The following SEMA3C variants were observed in gnomAD, a reference collection of about 807,000 sequenced individuals.
SEMA3C encodes semaphorin 3C.
A neutral mutation model predicts 89.4 loss-of-function variants in SEMA3C; 47 were observed. That is an observed-to-expected ratio of 0.53 (90% confidence interval 0.42 to 0.67). The LOEUF is 0.67. Ranked by LOEUF, SEMA3C falls within the 30% of genes least tolerant of loss-of-function variation. The pLI is 0.00. For synonymous variants in SEMA3C, 310 were observed against 320.2 expected (o/e 0.97, Z 0.34); for missense variants, 839 against 929.1 (o/e 0.90, Z 1.26).
At chr7:80,892,493 C>A (rs1791638656) in intron 2 of SEMA3C, among the ~76,000 whole-genome samples, 2 of 151,492 alleles carry the variant, frequency 1.3e-5, no homozygotes, top group Admixed American at 6.6e-5. Context: ...AAAAGTAGGT[C>A]CTAAACATTG....
At chr7:80,813,584 G>A (rs1422432917) in intron 5 of SEMA3C, among the ~76,000 whole-genome samples, 1 of 152,128 alleles carries the variant, frequency 6.6e-6, no homozygotes, top group Non-Finnish European at 1.5e-5. Context: ...TAATACATGA[G>A]ACTAGTTCTC....
chr7:80,874,472 T>TTATTTATG, intron 2 of SEMA3C, among the ~76,000 whole-genome samples: 1 of 151,760 alleles, frequency 6.6e-6, no homozygotes. Flanking sequence ...ATTTATTTAT[T>TTATTTATG]TATTTATTTA....
chr7:80,908,629 C>T (rs1037942295), intron 2 of SEMA3C, among the ~76,000 whole-genome samples: 1 of 152,154 alleles, frequency 6.6e-6, no homozygotes, highest in African/African-American at 2.4e-5. Flanking sequence ...GCCCCATTGA[C>T]TCCCTTTACA....
chr7:80,772,748 G>A (rs1788463331), intron 12 of SEMA3C, among the ~76,000 whole-genome samples: 2 of 151,552 alleles, frequency 1.3e-5, no homozygotes, highest in South Asian at 2.1e-4. Flanking sequence ...TTTCACAAAA[G>A]TTAAAATACT....
intron 2 of SEMA3C, among the ~76,000 whole-genome samples, chr7:80,838,248 C>T (rs1477855769): frequency 2.0e-5 from 3 of 152,120 alleles, no homozygotes; most frequent in East Asian, 3.9e-4. Flanking sequence ...TTTACCCCAA[C>T]ACCACCCTCC....
At chr7:80,776,013 G>A (rs1324345254) in intron 12 of SEMA3C, among the ~76,000 whole-genome samples, 1 of 151,588 alleles carries the variant, frequency 6.6e-6, no homozygotes, top group South Asian at 2.1e-4. Context: ...AAATGATGGA[G>A]TATACATCCT....
intron 13 of SEMA3C, among the ~76,000 whole-genome samples, chr7:80,763,145 T>G (rs1050587100): frequency 6.6e-6 from 1 of 152,120 alleles, no homozygotes; most frequent in African/African-American, 2.4e-5. Flanking sequence ...TGTCAGAAAA[T>G]GTGGAACAGA....
intron 2 of SEMA3C, among the ~76,000 whole-genome samples, chr7:80,854,851 G>A (rs1790601109): frequency 6.6e-6 from 1 of 152,074 alleles, no homozygotes. Flanking sequence ...CATTACTATA[G>A]TGGTTTGAAA....
rs1367012389 is a variant in SEMA3C at position 80,811,557 on chromosome 7, A to G, written c.448-856T>C. ...CCCCTACCAAAATTCAAAGTAAAAA[A>G]AAAATGACCATTTTAATAAGGTCAA... On this transcript the variant is annotated intron_variant, in intron 5 of 17. Coordinates refer to ENST00000265361, the MANE Select transcript of SEMA3C (RefSeq NM_006379.5). Among the ~76,000 whole-genome samples the G allele has an allele frequency of 3.3e-5, 5 of 152,138 alleles. No individual in the cohort carries two copies. In the South Asian group the frequency reaches 1.0e-3, roughly 31 times the overall value.
intron 2 of SEMA3C, among the ~76,000 whole-genome samples, chr7:80,875,776 A>G (rs1791186235): frequency 6.6e-6 from 1 of 151,968 alleles, no homozygotes; most frequent in Non-Finnish European, 1.5e-5. Context: ...CCCAAAGTGC[A>G]AGAGTAGTGA....
intron 2 of SEMA3C, among the ~76,000 whole-genome samples, chr7:80,834,948 T>A (rs2115846669): frequency 6.6e-6 from 1 of 152,318 alleles, no homozygotes; most frequent in Middle Eastern, 3.4e-3. Context: ...TATTTTTTAT[T>A]TTTTTCTGAA....
intron 16 of SEMA3C, 70 bp downstream of exon 16, chr7:80,751,199 C>T (rs1397752818): frequency 1.6e-6 from 2 of 1,217,260 alleles, no homozygotes; most frequent in Non-Finnish European, 2.4e-6. Context: ...GACAATGTTT[C>T]CCCTTACTGA....
chr7:80,849,646 T>C (rs1191325517), intron 2 of SEMA3C, among the ~76,000 whole-genome samples: 5 of 152,160 alleles, frequency 3.3e-5, no homozygotes, highest in East Asian at 1.9e-4. Flanking sequence ...GCATATTGTT[T>C]CTGGAAGGCA....
chr7:80,843,688 G>A (rs1790324412), intron 2 of SEMA3C, among the ~76,000 whole-genome samples: 1 of 152,034 alleles, frequency 6.6e-6, no homozygotes, highest in Non-Finnish European at 1.5e-5. Flanking sequence ...TAGCTTTAGG[G>A]CATTACTCCA....
chr7:80,777,939 C>A (rs576406321), intron 12 of SEMA3C, among the ~76,000 whole-genome samples: 135 of 152,224 alleles, frequency 8.9e-4, no homozygotes, highest in African/African-American at 3.1e-3. Flanking sequence ...TAAGATGTGA[C>A]TTCATACTTT....
At position 80,745,256 on chromosome 7, in the gene SEMA3C, A is replaced by T. The variant is rs1387284641; in HGVS notation, c.1894T>A (p.Ser632Thr). The change falls in exon 18 of 18, where the codon TCT (serine) becomes ACT (threonine). Residue 632 changes from serine to threonine, a missense_variant. Ser to Thr is a moderately conservative substitution (Grantham distance 58). Coordinates refer to ENST00000265361, the MANE Select transcript of SEMA3C (RefSeq NM_006379.5). ...IATSQGLLIR[S>T]VQGSDQGLYH... ...AGTCCTTGGTCAGAACCCTGAACAGAGCGGATCAGGAGTCCCTGTGAAGTG... is the reference window on the plus strand; with the variant it reads ...AGTCCTTGGTCAGAACCCTGAACAGTGCGGATCAGGAGTCCCTGTGAAGTG... The T allele has an allele frequency of 1.9e-6, 3 of 1,613,856 alleles. No individual in the cohort carries two copies. The highest frequency in any genetic ancestry group is 2.5e-6 in the Non-Finnish European group (3 of 1,179,916).
intron 2 of SEMA3C, among the ~76,000 whole-genome samples, chr7:80,834,500 T>C (rs1038889748): frequency 2.6e-5 from 4 of 152,170 alleles, no homozygotes; most frequent in African/African-American, 9.6e-5. Flanking sequence ...AATTATAATA[T>C]AGTTCAAAAT....
chr7:80,871,424 C>T (rs1290792014), intron 2 of SEMA3C, among the ~76,000 whole-genome samples: 1 of 152,138 alleles, frequency 6.6e-6, no homozygotes, highest in Admixed American at 6.5e-5. Flanking sequence ...TCAACCCTAT[C>T]CTTCTAAATA....
intron 2 of SEMA3C, among the ~76,000 whole-genome samples, chr7:80,904,360 T>C (rs760863549): frequency 6.6e-6 from 1 of 152,178 alleles, no homozygotes; most frequent in Non-Finnish European, 1.5e-5. Context: ...TTTCATGTTG[T>C]TGAGATTCTT....
Sources: allele counts gnomAD v4.1 joint callset (sites outside exome capture counted in the v4.1 genomes callset), GRCh38; gene constraint gnomAD v4.1.1; transcripts MANE v1.5; gene names NCBI Gene and HGNC (gene_info 2026-07-23, HGNC 2026-07-21).